AASS: variants seen among roughly 807,000 people sequenced by gnomAD.
AASS encodes the protein alpha-aminoadipic semialdehyde synthase, mitochondrial.
Under a neutral mutation model 105.4 loss-of-function variants are expected in AASS, and 86 were observed. The observed-to-expected ratio is 0.82, with a 90% CI of 0.69 to 0.98. The LOEUF is 0.98. Ranked by LOEUF, AASS falls within the 50% of genes least tolerant of loss-of-function variation. The pLI, the probability that AASS is intolerant of heterozygous loss-of-function variation, is 0.00. For synonymous variants in AASS, 381 were observed against 394.8 expected, an observed-to-expected ratio of 0.96 and a Z score of 0.41; for missense variants, 1,048 against 1,143.2, an observed-to-expected ratio of 0.92 and a Z score of 1.20.
intron 11 of AASS, among the ~76,000 whole-genome samples, chr7:122,102,343 G>A (rs1156731426): frequency 6.6e-6 from 1 of 151,848 alleles, no homozygotes; most frequent in African/African-American, 2.4e-5. Context: ...TTCTCCCAAG[G>A]AACCCAACTC....
At position 122,115,183 on chromosome 7, in the gene AASS, A is replaced by G; in HGVS notation, c.934T>C (p.Trp312Arg). ...YTTCLINGIY[W>R]EQNTPRLLTR... is the part of the protein sequence containing the mutation. ...AGGAGGCGAGGAGTGTTTTGTTCCCAGTAGATTCCATTAATTAAGCAAGTT... is the reference window on the plus strand; with the variant it reads ...AGGAGGCGAGGAGTGTTTTGTTCCCGGTAGATTCCATTAATTAAGCAAGTT... Residue 312 changes from tryptophan to arginine, a missense_variant, in exon 9 of 24, where the codon TGG becomes CGG. Physicochemically the swap from Trp to Arg is moderately radical, Grantham distance 101. Transcript: ENST00000417368. The G allele has an allele frequency of 6.2e-7, 1 of 1,614,196 alleles. No individual in the cohort carries two copies.
At chr7:122,080,805 A>C (rs1793278085) in intron 20 of AASS, among the ~76,000 whole-genome samples, 1 of 152,188 alleles carries the variant, frequency 6.6e-6, no homozygotes, top group African/African-American at 2.4e-5. Flanking sequence ...AGAATACCAA[A>C]ACTTTTTTTT....
chr7:122,129,531 C>A lies in AASS; in HGVS notation c.217G>T (p.Val73Phe). 1 of 1,612,944 alleles carries A rather than the reference C, an allele frequency of 6.2e-7. No individual in the cohort carries two copies. The change falls in exon 3 of 24, where the codon GTC becomes TTC. Residue 73 changes from valine (V) to phenylalanine (F), a missense_variant. By Grantham distance (50) the Val-to-Phe change is conservative. Coordinates refer to ENST00000417368, the MANE Select transcript of AASS (RefSeq NM_005763.4). ...TCCTGAAGAATGCCACCAGCTTTGA[C>A]ATAGTCCTGAAATTGTAATTATGAT... is the stretch of plus-strand genomic sequence containing the variant. The part of the protein sequence containing the change: ...NRRAIHDKDY[V>F]KAGGILQEDI...
At chr7:122,128,172 C>T (rs1037168356) in intron 3 of AASS, among the ~76,000 whole-genome samples, 2 of 152,220 alleles carry the variant, frequency 1.3e-5, no homozygotes, top group African/African-American at 4.8e-5. Flanking sequence ...ACAACTTTCT[C>T]TTCCACCATT....
chr7:122,130,423 A>G (rs1795856573), intron 2 of AASS, among the ~76,000 whole-genome samples: 1 of 152,020 alleles, frequency 6.6e-6, no homozygotes, highest in Non-Finnish European at 1.5e-5. Context: ...TACAAGACTT[A>G]TTGGGTAATA....
chr7:122,128,743 T>C (rs1795772337), intron 3 of AASS, among the ~76,000 whole-genome samples: 1 of 152,188 alleles, frequency 6.6e-6, no homozygotes, highest in Admixed American at 6.5e-5. Context: ...ATAGTATTTC[T>C]ATCTCAAAAA....
At position 122,092,896 on chromosome 7, in the gene AASS, C is replaced by T; in HGVS notation, c.1822G>A (p.Asp608Asn). 1 of 1,613,922 alleles carries T rather than the reference C, an allele frequency of 6.2e-7. No individual in the cohort carries two copies. The highest frequency in any genetic ancestry group is 8.5e-7 in the Non-Finnish European group (1 of 1,179,906). The change falls in exon 17 of 24, where the codon GAT becomes AAT. Residue 608 changes from aspartate to asparagine, a missense_variant. Asp to Asn is a conservative substitution (Grantham distance 23, BLOSUM62 1). Transcript: ENST00000417368. ...ATTGTTTCCATTGCTAACATGTGAT[C>T]CAGACCAGGGTCCAATCCCAATTCA... ...IGELGLDPGL[D>N]HMLAMETIDK...
chr7:122,117,758 C>T (rs1422784912), intron 6 of AASS, among the ~76,000 whole-genome samples: 2 of 151,978 alleles, frequency 1.3e-5, no homozygotes, highest in Non-Finnish European at 1.5e-5. Flanking sequence ...CGGGTTCAAG[C>T]GATTCTCCTG....
intron 11 of AASS, among the ~76,000 whole-genome samples, chr7:122,105,904 C>A (rs941561345): frequency 6.6e-6 from 1 of 151,800 alleles, no homozygotes; most frequent in Non-Finnish European, 1.5e-5. Flanking sequence ...AAAATAGAGA[C>A]TTAAAAAATA....
At chr7:122,114,975 A>T in intron 9 of AASS, 99 bp downstream of exon 9, 2 of 1,493,802 alleles carry the variant, frequency 1.3e-6, no homozygotes, top group Non-Finnish European at 1.9e-6. Context: ...GCAGAGAAGT[A>T]GTCATTAGAA....
In AASS at chr7:122,073,947, T is replaced by G. The variant is rs778706970; in HGVS notation, c.*2542A>C. ...TTATTGCTGAATAATATTCCTTGTATGGATATGCCACGTTTTGTTTATTCA... is the reference window on the plus strand; with the variant it reads ...TTATTGCTGAATAATATTCCTTGTAGGGATATGCCACGTTTTGTTTATTCA... On this transcript the variant is annotated 3_prime_UTR_variant, in exon 24 of 24. Transcript: ENST00000417368. Among the ~76,000 whole-genome samples, 1 of 152,220 alleles carries G rather than the reference T, an allele frequency of 6.6e-6. No individual in the cohort carries two copies. Among genetic ancestry groups the G allele is most frequent in the South Asian group, 2.1e-4 (1 of 4,832 alleles).
chr7:122,101,144 C>T (rs1348191003), intron 13 of AASS, among the ~76,000 whole-genome samples: 2 of 149,372 alleles, frequency 1.3e-5, no homozygotes, highest in East Asian at 1.9e-4. Context: ...TACGTCTACA[C>T]AGGCTATTAG....
intron 22 of AASS, among the ~76,000 whole-genome samples, chr7:122,078,615 A>ATAAC (rs1022499460): frequency 2.0e-5 from 3 of 152,192 alleles, no homozygotes; most frequent in South Asian, 4.1e-4. Context: ...GTCTCAAAAA[A>ATAAC]TAACTAACTA....
intron 10 of AASS, 148 bp downstream of exon 10, chr7:122,113,450 C>A: frequency 9.6e-7 from 1 of 1,042,480 alleles, no homozygotes; most frequent in Non-Finnish European, 1.4e-6. Flanking sequence ...TTCAAATGTG[C>A]ATGTTTTTTT....
At chr7:122,129,843 G>A (rs1795830441) in intron 2 of AASS, among the ~76,000 whole-genome samples, 1 of 152,090 alleles carries the variant, frequency 6.6e-6, no homozygotes. Context: ...CTTGTGAAAT[G>A]TATATTTTGT....
intron 9 of AASS, among the ~76,000 whole-genome samples, chr7:122,114,521 G>T (rs981072787): frequency 6.6e-6 from 1 of 152,060 alleles, no homozygotes; most frequent in African/African-American, 2.4e-5. Flanking sequence ...AACGTACTAG[G>T]TGCTTGTGGC....
chr7:122,077,845 C>G lies in AASS; in HGVS notation c.2655G>C (p.Leu885Phe), dbSNP rs747351819. Residue 885 changes from leucine (L) to phenylalanine (F), a missense_variant, in exon 23 of 24, where the codon TTG becomes TTC. Transcript: ENST00000417368. ...GLPTAMAAKM[L>F]LDGEIGAKGL... ...TCAAATGAACAGACTTACCATCAAG[C>G]AACATTTTGGCTGCCATGGCGGTGG... 1 of 1,614,172 alleles carries G rather than the reference C, an allele frequency of 6.2e-7. No homozygotes were observed. The highest frequency in any genetic ancestry group is 1.1e-5 in the South Asian group (1 of 91,074).
At chr7:122,086,616 T>C (rs1309960126) in intron 18 of AASS, among the ~76,000 whole-genome samples, 1 of 151,730 alleles carries the variant, frequency 6.6e-6, no homozygotes, top group Admixed American at 6.6e-5. Flanking sequence ...TATAAAAATG[T>C]TTAAAAAATA....
Position 122,141,036 on chromosome 7 carries a change from A to T in AASS, c.-16+3125T>A, listed in dbSNP as rs61404309. On this transcript the variant is annotated intron_variant, in intron 1 of 23. Transcript: ENST00000417368. ...TTGGAGAGGTTCAAAAGAGTTCCAGAATTAACACAGCACCAGATGATGGCC... is the reference window on the plus strand; with the variant it reads ...TTGGAGAGGTTCAAAAGAGTTCCAGTATTAACACAGCACCAGATGATGGCC... Among the ~76,000 whole-genome samples, 132 of 152,290 alleles carry T rather than the reference A, an allele frequency of 8.7e-4. 1 individual carries two copies. The East Asian group carries it at 0.02, about 23-fold the overall frequency.
Sources: allele counts gnomAD v4.1 joint callset (sites outside exome capture counted in the v4.1 genomes callset), GRCh38; gene constraint gnomAD v4.1.1; transcripts MANE v1.5; gene names NCBI Gene and HGNC (gene_info 2026-07-23, HGNC 2026-07-21).